Variants in WDR76 observed in about 807,000 individuals in gnomAD.
WDR76 encodes the protein WD repeat-containing protein 76.
In WDR76, 52 loss-of-function variants were observed where a neutral mutation model predicts 70.2. That is an observed-to-expected ratio of 0.74 (90% CI 0.59 to 0.93). WDR76 has a LOEUF of 0.93. Ranked by LOEUF, WDR76 falls within the 40% of genes least tolerant of loss-of-function variation. The pLI is 0.00. For missense variants in WDR76, 756 were observed against 760.2 expected (o/e 0.99, Z 0.07); for synonymous variants, 292 against 271.1 (o/e 1.08, Z -0.76).
At chr15:43,854,113 A>G (rs2087898696) in intron 9 of WDR76, among the ~76,000 whole-genome samples, 1 of 152,148 alleles carries the variant, frequency 6.6e-6, no homozygotes, top group Non-Finnish European at 1.5e-5. Flanking sequence ...GGTATGTGAA[A>G]TGGTAAAGTT....
At chr15:43,859,153 G>A (rs1012072830) in intron 11 of WDR76, among the ~76,000 whole-genome samples, 3 of 152,228 alleles carry the variant, frequency 2.0e-5, no homozygotes, top group Non-Finnish European at 4.4e-5. Context: ...TTTGGGGTCA[G>A]TGGGATCTAT....
At chr15:43,835,028 A>G (rs2141726318) in intron 2 of WDR76, 33 bp from the exon 3 acceptor site, 3 of 1,576,350 alleles carry the variant, frequency 1.9e-6, no homozygotes, top group Non-Finnish European at 2.6e-6. Context: ...AGATTATATA[A>G]AGTAATGGAA....
At chr15:43,848,740 A>C (rs1157650053) in intron 8 of WDR76, among the ~76,000 whole-genome samples, 1 of 151,990 alleles carries the variant, frequency 6.6e-6, no homozygotes, top group Non-Finnish European at 1.5e-5. Context: ...CGAGTTCAAG[A>C]TCAGCCTGAC....
In WDR76 at chr15:43,852,919, G is replaced by C. The variant is rs116178256; in HGVS notation, c.1191+1674G>C. ...ATATTTATTTTTGAAACAGAGTCTC[G>C]CTCTTGTTGCCCAGGCTGCAGTGCA... On this transcript the variant is annotated intron_variant, in intron 9 of 12. Coordinates refer to ENST00000263795, the MANE Select transcript of WDR76 (RefSeq NM_024908.4). Among the ~76,000 whole-genome samples, 728 of 151,904 alleles carry C rather than the reference G, an allele frequency of 4.8e-3. 6 individuals carry two copies. The highest frequency in any genetic ancestry group is 0.017 in the African/African-American group (700 of 41,410).
In WDR76 at chr15:43,863,443, G is replaced by T. The variant is rs963863122; in HGVS notation, c.1616+2057G>T. 2.8e-4 allele frequency among the ~76,000 whole-genome samples: 43 copies of T among 151,344 alleles called. 1 individual carries two copies. In the Admixed American group the frequency reaches 2.8e-3, roughly 10 times the overall value. ...TGTTATTGACTATAGTCATCCTGAT[G>T]TACAATAGACCTCTTGAATGTATTT... On this transcript the variant is annotated intron_variant, in intron 12 of 12. Coordinates refer to ENST00000263795, the MANE Select transcript of WDR76 (RefSeq NM_024908.4).
At chr15:43,856,763 T>A (rs1359553542) in intron 9 of WDR76, among the ~76,000 whole-genome samples, 183 bp from the exon 10 acceptor site, 4 of 152,082 alleles carry the variant, frequency 2.6e-5, no homozygotes, top group Admixed American at 2.6e-4. Context: ...ATATTGAAGG[T>A]AATGGAACCC....
chr15:43,831,289 G>T (rs1471607522), intron 2 of WDR76, among the ~76,000 whole-genome samples: 1 of 152,110 alleles, frequency 6.6e-6, no homozygotes, highest in Non-Finnish European at 1.5e-5. Context: ...GTGCCACCTT[G>T]CCAGGCTAAT....
chr15:43,854,242 T>G (rs2087900085), intron 9 of WDR76, among the ~76,000 whole-genome samples: 1 of 152,148 alleles, frequency 6.6e-6, no homozygotes, highest in Non-Finnish European at 1.5e-5. Flanking sequence ...CAAAAACTTG[T>G]ACGGGAATGT....
chr15:43,838,726 T>C (rs372250704), intron 4 of WDR76, among the ~76,000 whole-genome samples: 3 of 152,308 alleles, frequency 2.0e-5, no homozygotes, highest in African/African-American at 7.2e-5. Context: ...TATTCTACTG[T>C]TGATGAACAA....
At chr15:43,858,877 T>C (rs1380580528) in intron 11 of WDR76, 54 bp downstream of exon 11, 1 of 1,572,690 alleles carries the variant, frequency 6.4e-7, no homozygotes, top group East Asian at 2.2e-5. Flanking sequence ...CTATAGCTAC[T>C]GTGTCAGTAA....
chr15:43,868,294 TTTTG>T lies in WDR76; in HGVS notation c.*1906_*1909del, dbSNP rs2088098461. ...GAGTGGTTAGTTCTACGGGAATTGTTTTTGTTTTTGTTTTTAAAGATGCTGAAAA... is the reference window on the plus strand; with the variant it reads ...GAGTGGTTAGTTCTACGGGAATTGTTTTTTTGTTTTTAAAGATGCTGAAAA... On this transcript the variant is annotated 3_prime_UTR_variant, in exon 13 of 13. Coordinates refer to ENST00000263795, the MANE Select transcript of WDR76 (RefSeq NM_024908.4). 6.6e-6 allele frequency: 1 copy of T among 152,114 alleles called. No individual in the cohort carries two copies. The highest frequency in any genetic ancestry group is 2.1e-4 in the South Asian group (1 of 4,812). The allele number at this position is 152,114 out of a possible 1,614,324, so 9.4% of individuals were successfully genotyped here. A position where few individuals can be genotyped will look rare whatever the true frequency, so the allele number is the denominator to read the frequency against.
At chr15:43,828,425 T>A in intron 2 of WDR76, 59 bp downstream of exon 2, 1 of 1,511,918 alleles carries the variant, frequency 6.6e-7, no homozygotes, top group Admixed American at 2.3e-5. Context: ...GAAGTTCTGA[T>A]AAATCGAAGT....
intron 11 of WDR76, among the ~76,000 whole-genome samples, chr15:43,860,434 T>C (rs570306300): frequency 2.6e-5 from 4 of 152,336 alleles, no homozygotes; most frequent in South Asian, 4.1e-4. Flanking sequence ...GTATATAGTT[T>C]TACAGTTCAG....
intron 4 of WDR76, among the ~76,000 whole-genome samples, chr15:43,838,162 T>C (rs1480726359): frequency 6.6e-6 from 1 of 152,038 alleles, no homozygotes; most frequent in African/African-American, 2.4e-5. Context: ...CGTGAGCCAC[T>C]GTGCCCAGCC....
At chr15:43,849,597 G>T (rs1469495662) in intron 8 of WDR76, among the ~76,000 whole-genome samples, 1 of 151,928 alleles carries the variant, frequency 6.6e-6, no homozygotes, top group African/African-American at 2.4e-5. Flanking sequence ...GGAGTTCAGT[G>T]GTGCAATCTT....
chr15:43,862,918 C>G (rs2088020604), intron 12 of WDR76, among the ~76,000 whole-genome samples: 1 of 151,868 alleles, frequency 6.6e-6, no homozygotes. Flanking sequence ...GCTGGGATTA[C>G]AAGTGTGAGC....
At chr15:43,832,742 T>C (rs925446379) in intron 2 of WDR76, among the ~76,000 whole-genome samples, 13 of 130,760 alleles carry the variant, frequency 9.9e-5, no homozygotes, top group African/African-American at 3.7e-4. Context: ...CGGCTTGCTT[T>C]GTTTTTTTTT....
Position 43,842,636 on chromosome 15 carries a change from TAAG to T in WDR76, c.846_848del (p.Lys282del), listed in dbSNP as rs1390966942. 5 of 1,610,286 alleles carry T rather than the reference TAAG, an allele frequency of 3.1e-6. No homozygotes were observed. Among genetic ancestry groups the T allele is most frequent in the Non-Finnish European group, 4.2e-6 (5 of 1,178,994 alleles). On this transcript the variant is annotated inframe_deletion, in exon 7 of 13. Coordinates refer to ENST00000263795, the MANE Select transcript of WDR76 (RefSeq NM_024908.4). Reference sequence around the variant, plus strand: ...CTCTCCCAATGTTTCAGCCAAGTAGTAAGAACACTGAGAAGGGATTATCTAGCA... The same window carrying T: ...CTCTCCCAATGTTTCAGCCAAGTAGTAACACTGAGAAGGGATTATCTAGCA...
chr15:43,856,812 C>A, intron 9 of WDR76, 134 bp from the exon 10 acceptor site: 2 of 713,542 alleles, frequency 2.8e-6, no homozygotes, highest in Non-Finnish European at 4.6e-6. Flanking sequence ...TCCTGTGCAT[C>A]TGATGGGGAT....
Sources: allele counts gnomAD v4.1 joint callset (sites outside exome capture counted in the v4.1 genomes callset), GRCh38; gene constraint gnomAD v4.1.1; transcripts MANE v1.5; gene names NCBI Gene and HGNC (gene_info 2026-07-23, HGNC 2026-07-21).